MYO16: variants seen among roughly 807,000 people sequenced by gnomAD.
The protein encoded by MYO16 is myosin XVI.
A neutral mutation model predicts 205.3 loss-of-function variants in MYO16; 94 were observed. That is an observed-to-expected ratio of 0.46 (90% confidence interval 0.39 to 0.54). The LOEUF is 0.54. MYO16 is among the 20% of genes least tolerant of loss of function. The pLI is 0.00. For missense variants in MYO16, 2,315 were observed against 2,387.5 expected (o/e 0.97, Z 0.63); for synonymous variants, 988 against 954.0 (o/e 1.04, Z -0.66).
intron 32 of MYO16, chr13:109,164,156 G>A (rs1255612745): frequency 1.3e-5 from 2 of 152,254 alleles, no homozygotes; most frequent in Non-Finnish European, 2.9e-5. Context: ...CCCCTTGATG[G>A]CAGTTGTGCC....
At chr13:109,020,000 G>A (rs1168731866) in intron 23 of MYO16, 89 bp downstream of exon 23, 2 of 1,307,270 alleles carry the variant, frequency 1.5e-6, no homozygotes, top group Non-Finnish European at 2.1e-6. Context: ...ATTTTAAGGT[G>A]TGTTATTTGG....
intron 1 of MYO16, among the ~76,000 whole-genome samples, chr13:108,652,178 T>C (rs781279580): frequency 2.4e-4 from 37 of 151,908 alleles, no homozygotes; most frequent in African/African-American, 7.3e-4. Context: ...TGTGTGCGCG[T>C]GTGTGTGTGT....
At chr13:108,976,005 A>G (rs959756734) in intron 20 of MYO16, among the ~76,000 whole-genome samples, 1 of 152,158 alleles carries the variant, frequency 6.6e-6, no homozygotes, top group Non-Finnish European at 1.5e-5. Flanking sequence ...CACCCTTAAC[A>G]TTCCAGGAAT....
intron 9 of MYO16, among the ~76,000 whole-genome samples, chr13:108,838,753 TACACACACACACAAATGC>T (rs1408275852): frequency 1.3e-5 from 1 of 76,902 alleles, no homozygotes; most frequent in Non-Finnish European, 2.4e-5. Flanking sequence ...TATATATATA[TACACACACACACAAATGC>T]ACACACACAC....
intron 28 of MYO16, among the ~76,000 whole-genome samples, chr13:109,102,368 A>C (rs1566507179): frequency 6.6e-6 from 1 of 152,180 alleles, no homozygotes; most frequent in Admixed American, 6.6e-5. Context: ...ATTTTGAATA[A>C]GTAATTATAT....
At position 109,055,680 on chromosome 13, in the gene MYO16, T is replaced by C; in HGVS notation, c.3335+85T>C. The stretch of plus-strand genomic sequence containing the variant: ...ACTGACACTATTGTAGCAAGGGTCT[T>C]CTGTTGTCTTTTTTGGCACTGCTTT... On this transcript the variant is annotated intron_variant, in intron 27 of 34. Transcript: ENST00000457511. The surrounding 1 kb of genome is among the most constrained non-coding windows in gnomAD (Gnocchi z 5.0). 1 of 1,250,740 alleles carries C rather than the reference T, an allele frequency of 8.0e-7. No homozygotes were observed. The highest frequency in any genetic ancestry group is 1.1e-6 in the Non-Finnish European group (1 of 883,978). The allele number at this position is 1,250,740 out of a possible 1,614,324, so 77.5% of individuals were successfully genotyped here.
At chr13:108,690,893 G>A (rs1370887600) in intron 2 of MYO16, among the ~76,000 whole-genome samples, 1 of 152,180 alleles carries the variant, frequency 6.6e-6, no homozygotes, top group Non-Finnish European at 1.5e-5. Context: ...GGTAGGGGAA[G>A]AGTTTCAGTT....
At chr13:108,881,604 AC>A (rs1219812417) in intron 12 of MYO16, among the ~76,000 whole-genome samples, 2 of 152,200 alleles carry the variant, frequency 1.3e-5, no homozygotes, top group African/African-American at 4.8e-5. Context: ...GTCTTAAATG[AC>A]CTGATGGAGC....
intron 23 of MYO16, among the ~76,000 whole-genome samples, chr13:109,036,761 A>G (rs1003797170): frequency 1.3e-5 from 2 of 152,236 alleles, no homozygotes; most frequent in African/African-American, 4.8e-5. Context: ...TACTGCATGA[A>G]TCCTGTCTTC....
At chr13:108,498,861 C>G in the MYO16 span, among the ~76,000 whole-genome samples, 4 of 152,112 alleles carry the variant, frequency 2.6e-5, no homozygotes, top group Non-Finnish European at 5.9e-5. Flanking sequence ...AGTGCCCTGT[C>G]TAGATGTAGG....
chr13:109,203,433 T>C (rs1880479728), intron 34 of MYO16, among the ~76,000 whole-genome samples: 1 of 152,160 alleles, frequency 6.6e-6, no homozygotes, highest in South Asian at 2.1e-4. Flanking sequence ...ACTTTTTTTT[T>C]TTTTCTCTCA....
In MYO16 at chr13:109,055,646, T is replaced by C. The variant is rs369548550; in HGVS notation, c.3335+51T>C. Reference sequence around the variant, plus strand: ...TCGTTCTCGCTGCTGTTCAGTGCAGTGTACTGACACTGACACTATTGTAGC... The same window carrying C: ...TCGTTCTCGCTGCTGTTCAGTGCAGCGTACTGACACTGACACTATTGTAGC... On this transcript the variant is annotated intron_variant, in intron 27 of 34. Transcript: ENST00000457511. The surrounding 1 kb of genome is among the most constrained non-coding windows in gnomAD (Gnocchi z 5.0). 1.4e-6 allele frequency: 2 copies of C among 1,456,474 alleles called. No homozygotes were observed. The highest frequency in any genetic ancestry group is 1.7e-5 in the Admixed American group (1 of 59,612). The allele number at this position is 1,456,474 out of a possible 1,614,324, so 90.2% of individuals were successfully genotyped here.
intron 27 of MYO16, among the ~76,000 whole-genome samples, chr13:109,093,697 C>T (rs1171192335): frequency 6.6e-6 from 1 of 152,104 alleles, no homozygotes; most frequent in Admixed American, 6.6e-5. Context: ...CCAGAAAATC[C>T]GGCTGGGCCT....
intron 27 of MYO16, among the ~76,000 whole-genome samples, chr13:109,095,891 G>A (rs1034673884): frequency 6.6e-6 from 1 of 152,196 alleles, no homozygotes; most frequent in Non-Finnish European, 1.5e-5. Flanking sequence ...CAATATCATA[G>A]TGGTTACTGT....
the MYO16 span, among the ~76,000 whole-genome samples, chr13:108,581,899 AAAAAAAGAAAAAG>A: frequency 2.0e-5 from 3 of 149,890 alleles, no homozygotes; most frequent in South Asian, 2.1e-4. Context: ...AAAAGAAAAA[AAAAAAAGAAAAAG>A]AAAAAGTAGG....
chr13:108,774,586 G>T (rs1480627870), intron 4 of MYO16, among the ~76,000 whole-genome samples: 1 of 151,922 alleles, frequency 6.6e-6, no homozygotes, highest in Non-Finnish European at 1.5e-5. Context: ...ACTTAGAGAC[G>T]TGCCTTACAG....
the MYO16 span, among the ~76,000 whole-genome samples, chr13:108,541,353 A>T: frequency 1.1e-4 from 16 of 151,188 alleles, no homozygotes; most frequent in East Asian, 2.7e-3. Flanking sequence ...ATGTATAATT[A>T]TGCATCTATT....
chr13:108,799,935 C>T (rs1886918085), intron 6 of MYO16, among the ~76,000 whole-genome samples: 1 of 152,078 alleles, frequency 6.6e-6, no homozygotes, highest in Admixed American at 6.6e-5. Flanking sequence ...TTTAACTGAG[C>T]CCTCTTTAGA....
chr13:108,878,303 A>ACAGAAGAG (rs1359696922), intron 12 of MYO16, among the ~76,000 whole-genome samples: 2 of 152,110 alleles, frequency 1.3e-5, no homozygotes, highest in Non-Finnish European at 2.9e-5. Context: ...AAGCAGATGA[A>ACAGAAGAG]CAGAAGAGCA....
Sources: allele counts gnomAD v4.1 joint callset (sites outside exome capture counted in the v4.1 genomes callset), GRCh38; gene constraint gnomAD v4.1.1; non-coding constraint Gnocchi (gnomAD v3.1); transcripts MANE v1.5; gene names NCBI Gene and HGNC (gene_info 2026-07-23, HGNC 2026-07-21).